SELENOS: variants seen among roughly 807,000 people sequenced by gnomAD.
SELENOS encodes the protein selenoprotein S.
In SELENOS, 37 loss-of-function variants were observed where a neutral mutation model predicts 30.2. The observed-to-expected ratio is 1.23, with a 90% CI of 0.94 to 1.61. SELENOS has a LOEUF of 1.61. SELENOS is among the 40% of genes most tolerant of loss of function. SELENOS has a pLI of 0.00. For synonymous variants in SELENOS, 119 were observed against 91.6 expected, an observed-to-expected ratio of 1.30 and a Z score of -1.71; for missense variants, 289 against 231.8, an observed-to-expected ratio of 1.25 and a Z score of -1.60.
chr15:101,277,159 G>A (rs2039337690), intron 1 of SELENOS, 183 bp downstream of exon 1: 1 of 1,044,518 alleles, frequency 9.6e-7, no homozygotes, highest in Non-Finnish European at 1.4e-6. Flanking sequence ...AGGGAAGTGC[G>A]GCTCCCGAGA....
Position 101,276,916 on chromosome 15 carries a change from C to T in SELENOS, c.77-241G>A, listed in dbSNP as rs117350182. ...TCGGGGGCAGTTAGAGTGTGGAGGG[C>T]ACAGCAACTGGGTTTTGAAGAATGA... On this transcript the variant is annotated intron_variant, in intron 1 of 5. Coordinates refer to ENST00000526049, the MANE Select transcript of SELENOS (RefSeq NM_018445.6). The T allele has an allele frequency of 3.2e-3, 1,753 of 545,348 alleles. 10 individuals are homozygous for T. Among genetic ancestry groups the T allele is most frequent in the Middle Eastern group, 6.6e-3 (17 of 2,578 alleles). 33.8% of individuals were successfully genotyped at this position (545,348 alleles called of 1,614,324 possible).
At position 101,274,693 on chromosome 15, in the gene SELENOS, TCA is replaced by T; in HGVS notation, c.319-14_319-13del. The T allele has an allele frequency of 1.2e-6, 2 of 1,606,782 alleles. No individual in the cohort carries two copies. Among genetic ancestry groups the T allele is most frequent in the Non-Finnish European group, 1.7e-6 (2 of 1,177,774 alleles). On this transcript the variant is annotated splice_polypyrimidine_tract_variant and intron_variant, in intron 3 of 5. Transcript: ENST00000526049. ...TTTTCTTCTTCAAGCTGAGAAACAA[TCA>T]CATTTTACAGAAAGAATTCAGAAGC...
chr15:101,275,804 CAGAAA>C (rs2039319536), intron 2 of SELENOS, among the ~76,000 whole-genome samples: 1 of 150,562 alleles, frequency 6.6e-6, no homozygotes, highest in African/African-American at 2.4e-5. Context: ...TTTGTTTCTA[CAGAAA>C]AGAAAAATCC....
At chr15:101,274,139 T>G (rs953870593) in intron 5 of SELENOS, 95 of 497,932 alleles carry the variant, frequency 1.9e-4, no homozygotes, top group African/African-American at 1.8e-3. Context: ...TCCAGCTCCT[T>G]GACACTCATC....
chr15:101,274,949 T>A, intron 3 of SELENOS: 1 of 575,356 alleles, frequency 1.7e-6, no homozygotes, highest in Non-Finnish European at 3.0e-6. Flanking sequence ...TGTCAGGACA[T>A]TTTTGGTAAT....
chr15:101,274,539 C>A (rs747002520), intron 4 of SELENOS, 44 bp from the exon 5 acceptor site: 1 of 1,608,100 alleles, frequency 6.2e-7, no homozygotes, highest in Admixed American at 1.7e-5. Context: ...TTAAAACATT[C>A]TACTTGGCAA....
Position 101,276,647 on chromosome 15 carries a change from C to T in SELENOS, c.105G>A (p.Trp35Ter), listed in dbSNP as rs772593289. The change falls in exon 2 of 6, where the codon TGG (tryptophan) becomes TGA (stop). Residue 35 changes from tryptophan to a stop codon, truncating the protein, a stop_gained. Coordinates refer to ENST00000526049, the MANE Select transcript of SELENOS (RefSeq NM_018445.6). LOFTEE classifies it high-confidence loss of function. ...GAAGGATGCAGCTGAAGACGATGTA[C>T]CAGCCATAGGTGGCCAGCAGGGAGC... ...TVGSLLATYGWYIVFSCILLY... is the reference protein window; with the variant it reads ...TVGSLLATYG 4 of 1,613,342 alleles carry T rather than the reference C, an allele frequency of 2.5e-6. No individual in the cohort carries two copies. Among genetic ancestry groups the T allele is most frequent in the Middle Eastern group, 1.7e-4 (1 of 6,000 alleles).
Position 101,277,419 on chromosome 15 carries a change from A to ACCGCCT in SELENOS, c.-3_-2insAGGCGG, listed in dbSNP as rs2039343649. The stretch of plus-strand genomic sequence containing the variant: ...CAGAGACTCCTCTTGGCGTTCCATG[A>ACCGCCT]CCGCCGCCGCCGCCGCCGCCCAGCC... On this transcript the variant is annotated 5_prime_UTR_variant, in exon 1 of 6. Transcript: ENST00000526049. The ACCGCCT allele has an allele frequency of 2.0e-6, 3 of 1,470,282 alleles. No homozygotes were observed. The African/African-American group carries it at 4.4e-5, about 22-fold the overall frequency. 91.1% of individuals were successfully genotyped at this position (1,470,282 alleles called of 1,614,324 possible).
intron 2 of SELENOS, 150 bp from the exon 3 acceptor site, chr15:101,275,511 A>G (rs1007989123): frequency 1.6e-5 from 11 of 669,034 alleles, no homozygotes; most frequent in Non-Finnish European, 2.5e-5. Flanking sequence ...ACCCCTCTGC[A>G]TACATTTTAC....
chr15:101,274,737 G>C, intron 3 of SELENOS, 56 bp from the exon 4 acceptor site: 14 of 1,505,390 alleles, frequency 9.3e-6, no homozygotes, highest in South Asian at 6.1e-5. Flanking sequence ...TTCTCTCAAA[G>C]ACAAAGCTAA....
At chr15:101,272,910 G>A (rs1385752516) in intron 5 of SELENOS, 54 bp from the exon 6 acceptor site, 1 of 1,487,602 alleles carries the variant, frequency 6.7e-7, no homozygotes, top group Admixed American at 2.0e-5. Context: ...GAAAATCTGG[G>A]AACATTGTAT....
chr15:101,275,200 C>G (rs1489501161), intron 3 of SELENOS, 55 bp downstream of exon 3: 12 of 1,438,978 alleles, frequency 8.3e-6, no homozygotes, highest in Non-Finnish European at 1.1e-5. Flanking sequence ...GCATCGTTAG[C>G]CACTAAACCT....
At chr15:101,271,635 G>A (rs2039268974), downstream of SELENOS, 1 of 152,178 alleles carries the variant, frequency 6.6e-6, no homozygotes, top group African/African-American at 2.4e-5. Flanking sequence ...AGCAACCACG[G>A]AATATTCTAC....
rs368229041 is a variant in SELENOS, at chr15:101,272,847, G to C, written c.494C>G (p.Pro165Arg). The C allele has an allele frequency of 6.8e-6, 11 of 1,606,974 alleles. No homozygotes were observed. Among genetic ancestry groups the C allele is most frequent in the Non-Finnish European group, 9.3e-6 (11 of 1,176,938 alleles). ...AGCTCCGCCTCCTTCACCAGACAAC[G>C]GGTTATAACCTGGGAGGACAGAAAA... Reference protein sequence around the residue: ...RKPLRGGGYNPLSGEGGGACS... With the variant: ...RKPLRGGGYNRLSGEGGGACS... Residue 165 changes from proline (P) to arginine (R), a missense_variant, in exon 6 of 6, where the codon CCG becomes CGG. Physicochemically the swap from Pro to Arg is moderately radical, Grantham distance 103 (BLOSUM62 -2). Transcript: ENST00000526049.
chr15:101,273,860 T>A (rs1402688337), intron 5 of SELENOS, among the ~76,000 whole-genome samples: 2 of 152,344 alleles, frequency 1.3e-5, no homozygotes, highest in East Asian at 3.9e-4. Flanking sequence ...TCCTACAGTG[T>A]TCTAGTGTGT....
chr15:101,274,570 GC>G, intron 4 of SELENOS, 21 bp downstream of exon 4: 1 of 1,612,362 alleles, frequency 6.2e-7, no homozygotes, highest in Non-Finnish European at 8.5e-7. Context: ...CCGCATGCCA[GC>G]CGGCCGAGGT....
At chr15:101,274,824 A>G in intron 3 of SELENOS, 143 bp from the exon 4 acceptor site, 1 of 895,932 alleles carries the variant, frequency 1.1e-6, no homozygotes, top group Non-Finnish European at 1.7e-6. Context: ...AACTGTTGTG[A>G]TCTGGTAGTG....
chr15:101,276,781 TGGTCTA>T, intron 1 of SELENOS, 106 bp from the exon 2 acceptor site: 1 of 1,377,766 alleles, frequency 7.3e-7, no homozygotes, highest in Non-Finnish European at 9.8e-7. Flanking sequence ...AAAGCCTTCA[TGGTCTA>T]GGCTGAGGAA....
chr15:101,276,427 TTAAA>T, intron 2 of SELENOS, 110 bp downstream of exon 2: 1 of 1,334,988 alleles, frequency 7.5e-7, no homozygotes, highest in Non-Finnish European at 9.8e-7. Flanking sequence ...TTTTTTTTTT[TTAAA>T]TAGAGACAGG....
Sources: allele counts gnomAD v4.1 joint callset (sites outside exome capture counted in the v4.1 genomes callset), GRCh38; gene constraint gnomAD v4.1.1; transcripts MANE v1.5; gene names NCBI Gene and HGNC (gene_info 2026-07-23, HGNC 2026-07-21).